GMDS: variants seen among roughly 807,000 people sequenced by gnomAD.
The protein encoded by GMDS is GDP-mannose 4,6 dehydratase.
Under a neutral mutation model 49.9 loss-of-function variants are expected in GMDS, and 20 were observed. The observed-to-expected ratio is 0.40, with a 90% CI of 0.28 to 0.58. The LOEUF is 0.58. GMDS is among the 20% of genes least tolerant of loss of function. The pLI, the probability that GMDS is intolerant of heterozygous loss-of-function variation, is 0.42. For synonymous variants in GMDS, 177 were observed against 178.6 expected (o/e 0.99, Z 0.07); for missense variants, 362 against 481.4 (o/e 0.75, Z 2.32).
chr6:1,916,253 C>G (rs1408260498), intron 7 of GMDS, among the ~76,000 whole-genome samples: 1 of 152,094 alleles, frequency 6.6e-6, no homozygotes, highest in Admixed American at 6.5e-5. Context: ...CAGTGACCAG[C>G]GCTGATGAAA....
At chr6:1,703,886 C>G (rs1034665052) in intron 9 of GMDS, among the ~76,000 whole-genome samples, 34 of 152,248 alleles carry the variant, frequency 2.2e-4, no homozygotes, top group African/African-American at 8.2e-4. Context: ...TTAGAGTAAT[C>G]ATATTTCTCT....
intron 1 of GMDS, among the ~76,000 whole-genome samples, chr6:2,168,439 T>C (rs1011678931): frequency 3.3e-5 from 5 of 152,184 alleles, no homozygotes; most frequent in Non-Finnish European, 7.3e-5. Flanking sequence ...CCTCAGAATG[T>C]GAGGCAAGAA....
intron 8 of GMDS, among the ~76,000 whole-genome samples, chr6:1,731,954 G>T (rs1766823649): frequency 6.6e-6 from 1 of 152,184 alleles, no homozygotes; most frequent in African/African-American, 2.4e-5. Flanking sequence ...TAAAGTTAGT[G>T]ATAAGTACAC....
intron 4 of GMDS, among the ~76,000 whole-genome samples, chr6:1,993,748 A>AG (rs1766099388): frequency 6.6e-6 from 1 of 151,898 alleles, no homozygotes; most frequent in Non-Finnish European, 1.5e-5. Context: ...AAAAAAAAAA[A>AG]AGGCAGAAAA....
rs1170881414 is a variant in GMDS at position 1,873,641 on chromosome 6, T to G, written c.771+56462A>C. On this transcript the variant is annotated intron_variant, in intron 7 of 10. Transcript: ENST00000380815. ...CTGAAAAAGACAGGAAAATGAAGAT[T>G]TTGCTATGTAAAAAGCTGAGACCCA... Among the ~76,000 whole-genome samples the G allele has an allele frequency of 2.6e-5, 4 of 152,148 alleles. No individual in the cohort carries two copies. The East Asian group carries it at 7.7e-4, about 29-fold the overall frequency.
At chr6:1,681,105 C>T (rs183359635) in intron 9 of GMDS, among the ~76,000 whole-genome samples, 379 of 152,160 alleles carry the variant, frequency 2.5e-3, no homozygotes, top group Non-Finnish European at 3.5e-3. Flanking sequence ...CATACACATA[C>T]GTACACCTAC....
rs963505312 is a variant in GMDS at position 1,713,070 on chromosome 6, A to G, written c.987+13346T>C. Among the ~76,000 whole-genome samples the G allele has an allele frequency of 7.9e-5, 12 of 152,338 alleles. No homozygotes were observed. In the East Asian group the frequency reaches 1.5e-3, roughly 20 times the overall value. On this transcript the variant is annotated intron_variant, in intron 9 of 10. Coordinates refer to ENST00000380815, the MANE Select transcript of GMDS (RefSeq NM_001500.4). ...ATCAACACAAGACTATGTAGAATCCAGCCACGGATGTCAGACTGACAAGTC... is the reference window on the plus strand; with the variant it reads ...ATCAACACAAGACTATGTAGAATCCGGCCACGGATGTCAGACTGACAAGTC...
rs974699251 is a variant in GMDS, at chr6:2,126,938, C to G, written c.103-2207G>C. Among the ~76,000 whole-genome samples the G allele has an allele frequency of 2.0e-5, 3 of 152,214 alleles. No individual in the cohort carries two copies. The East Asian group carries it at 5.8e-4, about 29-fold the overall frequency. ...TTAGCCACCATGCCAGGGCTAAAAT[C>G]TCCAGCAGATTTTCTTCTGACTTCT... On this transcript the variant is annotated intron_variant, in intron 1 of 10. Transcript: ENST00000380815.
At chr6:1,847,338 G>A (rs750958248) in intron 7 of GMDS, among the ~76,000 whole-genome samples, 2 of 152,148 alleles carry the variant, frequency 1.3e-5, no homozygotes, top group South Asian at 2.1e-4. Context: ...TATGAGCCAC[G>A]GCACCTGCCC....
At chr6:2,073,148 T>TGCC (rs1375531023) in intron 4 of GMDS, among the ~76,000 whole-genome samples, 1 of 152,218 alleles carries the variant, frequency 6.6e-6, no homozygotes, top group East Asian at 1.9e-4. Context: ...CACCGCTTTG[T>TGCC]GCCGAATGCA....
At chr6:1,893,945 A>G (rs1461622884) in intron 7 of GMDS, among the ~76,000 whole-genome samples, 1 of 152,218 alleles carries the variant, frequency 6.6e-6, no homozygotes, top group Non-Finnish European at 1.5e-5. Flanking sequence ...TAGATAAGAA[A>G]GAGCCTGGAG....
chr6:2,243,516 A>G (rs1380127162), intron 1 of GMDS, among the ~76,000 whole-genome samples: 1 of 152,210 alleles, frequency 6.6e-6, no homozygotes, highest in East Asian at 1.9e-4. Flanking sequence ...TTTGAGCTTC[A>G]GGTCCAGTCT....
intron 2 of GMDS, among the ~76,000 whole-genome samples, chr6:2,119,897 T>C (rs938666944): frequency 2.0e-5 from 3 of 152,218 alleles, no homozygotes; most frequent in African/African-American, 7.2e-5. Flanking sequence ...TCTTTCCATT[T>C]AAAACAAAGT....
intron 8 of GMDS, among the ~76,000 whole-genome samples, chr6:1,727,373 G>A (rs997003576): frequency 1.3e-5 from 2 of 152,146 alleles, no homozygotes; most frequent in Non-Finnish European, 2.9e-5. Flanking sequence ...TAATGGTAAC[G>A]TCTGGATGTC....
intron 1 of GMDS, among the ~76,000 whole-genome samples, chr6:2,226,880 C>T (rs1291833863): frequency 1.3e-5 from 2 of 152,174 alleles, no homozygotes; most frequent in South Asian, 2.1e-4. Context: ...TGGAGTCCCT[C>T]GTACTCAATC....
Position 1,827,446 on chromosome 6 carries a change from T to G in GMDS, c.772-84860A>C, listed in dbSNP as rs10458053. Reference sequence around the variant, plus strand: ...ACACACGTTTTGGAAAACCTGTATATACACACGTTTTGGAAAACCTGTATA... The same window carrying G: ...ACACACGTTTTGGAAAACCTGTATAGACACACGTTTTGGAAAACCTGTATA... On this transcript the variant is annotated intron_variant, in intron 7 of 10. Coordinates refer to ENST00000380815, the MANE Select transcript of GMDS (RefSeq NM_001500.4). Among the ~76,000 whole-genome samples, 31 of 37,144 alleles carry G rather than the reference T, an allele frequency of 8.3e-4. 1 individual carries two copies. The Admixed American group carries it at 0.01, about 12-fold the overall frequency. 24.4% of individuals were successfully genotyped at this position (37,144 alleles called of 152,430 possible).
At chr6:1,751,943 G>A (rs1294432557) in intron 7 of GMDS, among the ~76,000 whole-genome samples, 1 of 152,220 alleles carries the variant, frequency 6.6e-6, no homozygotes, top group Non-Finnish European at 1.5e-5. Flanking sequence ...AGTGCAAAAA[G>A]GCTGAAAATT....
chr6:2,132,141 A>G (rs1259370214), intron 1 of GMDS, among the ~76,000 whole-genome samples: 2 of 152,158 alleles, frequency 1.3e-5, no homozygotes, highest in Non-Finnish European at 2.9e-5. Context: ...AGGGTCTAAT[A>G]GTTAGTAGGT....
intron 7 of GMDS, among the ~76,000 whole-genome samples, chr6:1,776,738 C>T (rs922701889): frequency 6.6e-6 from 1 of 152,134 alleles, no homozygotes; most frequent in Admixed American, 6.5e-5. Context: ...CTGTTAGGCT[C>T]TGTTTCAGAT....
Sources: gnomAD v4.1 joint callset for allele counts (sites outside exome capture counted in the v4.1 genomes callset) on GRCh38, gnomAD v4.1.1 for gene constraint, MANE v1.5 for transcripts, NCBI Gene and HGNC (gene_info 2026-07-23, HGNC 2026-07-21) for gene names.